LANCL2: variants seen among roughly 807,000 people sequenced by gnomAD.
LANCL2 encodes LanC like glutathione S-transferase 2, also known as lanC-like protein 2.
A neutral mutation model predicts 56.9 loss-of-function variants in LANCL2; 33 were observed. That is an observed-to-expected ratio of 0.58 (90% confidence interval 0.44 to 0.78). The LOEUF (loss-of-function observed/expected upper bound fraction) is 0.78. Ranked by LOEUF, LANCL2 falls within the 30% of genes least tolerant of loss-of-function variation. The probability of loss-of-function intolerance (pLI) is 0.00; values close to 1 mark genes in which losing one functional copy is unlikely to be tolerated. For synonymous variants in LANCL2, 233 were observed against 228.2 expected (o/e 1.02, Z -0.19); for missense variants, 562 against 580.2 (o/e 0.97, Z 0.32).
At position 55,365,975 on chromosome 7, in the gene LANCL2, A is replaced by G. The variant is rs764767228; in HGVS notation, c.-51A>G. The G allele has an allele frequency of 1.5e-6, 2 of 1,333,442 alleles. No individual in the cohort carries two copies. The highest frequency in any genetic ancestry group is 2.0e-6 in the Non-Finnish European group (2 of 1,020,590). 82.6% of individuals were successfully genotyped at this position (1,333,442 alleles called of 1,614,324 possible). ...AGGAGGCGGCGGCGGGGCGAGCTGC[A>G]GCGCCGGGACAGGAGGTTTGTCCCC... is the stretch of plus-strand genomic sequence containing the variant. On this transcript the variant is annotated 5_prime_UTR_variant, in exon 1 of 9. Transcript: ENST00000254770.
intron 4 of LANCL2, among the ~76,000 whole-genome samples, chr7:55,400,801 T>A (rs1461076305): frequency 2.6e-5 from 4 of 152,202 alleles, no homozygotes; most frequent in Admixed American, 1.3e-4. Context: ...AGCCAGTTCC[T>A]CCAGCCTTTC....
chr7:55,421,962 G>A (rs902161044), intron 6 of LANCL2, among the ~76,000 whole-genome samples: 1 of 151,844 alleles, frequency 6.6e-6, no homozygotes, highest in Non-Finnish European at 1.5e-5. Context: ...GAACTCCTGG[G>A]CTCAAGTGAT....
At chr7:55,371,241 T>G (rs1167678403) in intron 1 of LANCL2, among the ~76,000 whole-genome samples, 1 of 152,190 alleles carries the variant, frequency 6.6e-6, no homozygotes, top group Non-Finnish European at 1.5e-5. Flanking sequence ...TTTTGGGTTT[T>G]GTTTTGTTTT....
chr7:55,404,622 T>C (rs1018743807), intron 5 of LANCL2, among the ~76,000 whole-genome samples: 1 of 149,436 alleles, frequency 6.7e-6, no homozygotes, highest in Admixed American at 6.6e-5. Context: ...TTTTTTTTTC[T>C]TTTTTTTTTG....
At chr7:55,421,275 T>G (rs1272361569) in intron 6 of LANCL2, among the ~76,000 whole-genome samples, 1 of 151,766 alleles carries the variant, frequency 6.6e-6, no homozygotes, top group Non-Finnish European at 1.5e-5. Context: ...CCTGCCTTTT[T>G]TTTTTTTAGG....
chr7:55,401,543 CAATTTTCTTTTTTTTTTTTTTTTG>C, intron 5 of LANCL2, among the ~76,000 whole-genome samples: 1 of 33,288 alleles, frequency 3.0e-5, no homozygotes, highest in South Asian at 9.9e-4. Context: ...TTTTTTTTTC[CAATTTTCTTTTTTTTTTTTTTTTG>C]ATCATTCTTG....
intron 5 of LANCL2, chr7:55,411,337 G>C (rs953536164): frequency 2.0e-5 from 3 of 152,228 alleles, no homozygotes; most frequent in African/African-American, 7.2e-5. Context: ...AATTCTAGTA[G>C]GTAACATTTA....
At chr7:55,421,339 C>CTTTT (rs11416515) in intron 6 of LANCL2, among the ~76,000 whole-genome samples, 7 of 104,648 alleles carry the variant, frequency 6.7e-5, no homozygotes, top group Admixed American at 1.2e-4. Flanking sequence ...TCTGTTGACT[C>CTTTT]TTTTTTTTTT....
chr7:55,383,010 A>T (rs957517950), intron 1 of LANCL2, among the ~76,000 whole-genome samples: 5 of 152,186 alleles, frequency 3.3e-5, no homozygotes, highest in Admixed American at 3.3e-4. Flanking sequence ...TAATCCCAGC[A>T]CTTTGGGAGG....
At chr7:55,429,647 T>A (rs1790706336) in intron 8 of LANCL2, among the ~76,000 whole-genome samples, 1 of 152,242 alleles carries the variant, frequency 6.6e-6, no homozygotes, top group African/African-American at 2.4e-5. Context: ...AAAAAGTACT[T>A]ACTAGAATAA....
At chr7:55,402,368 G>A (rs1790344478) in intron 5 of LANCL2, among the ~76,000 whole-genome samples, 1 of 90,890 alleles carries the variant, frequency 1.1e-5, no homozygotes, top group African/African-American at 4.5e-5. Flanking sequence ...TCCCAGTAGG[G>A]GCGGCCAGGC....
chr7:55,420,532 T>A (rs1056308940), intron 6 of LANCL2, among the ~76,000 whole-genome samples: 1 of 152,252 alleles, frequency 6.6e-6, no homozygotes, highest in East Asian at 1.9e-4. Context: ...TCAGGCATAG[T>A]GTGCTAGAAA....
rs148273248 is a variant in LANCL2, at chr7:55,366,036, C to T, written c.11C>T (p.Thr4Ile). MGE[T>I]MSKRLKLHLG... ...CGTACCGCGGCGGAGATGGGCGAGA[C>T]CATGTCAAAGAGGCTGAAGCTCCAC... The change falls in exon 1 of 9, where the codon ACC (threonine) becomes ATC (isoleucine). Residue 4 changes from threonine (T) to isoleucine (I), a missense_variant. Around this residue, in one of 2 missense-constraint regions of LANCL2, gnomAD observed 184 missense variants for 111.8 expected, o/e 1.65. Coordinates refer to ENST00000254770, the MANE Select transcript of LANCL2 (RefSeq NM_018697.4). 2.1e-5 allele frequency: 31 copies of T among 1,488,256 alleles called. No individual in the cohort carries two copies. In the African/African-American group the frequency reaches 3.6e-4, roughly 17 times the overall value. 92.2% of individuals were successfully genotyped at this position (1,488,256 alleles called of 1,614,324 possible).
chr7:55,409,718 GCAAA>G (rs1303917996), intron 5 of LANCL2, among the ~76,000 whole-genome samples: 7 of 152,194 alleles, frequency 4.6e-5, no homozygotes, highest in Non-Finnish European at 8.8e-5. Flanking sequence ...TCCAGGGAAA[GCAAA>G]GTCATAGTAG....
chr7:55,423,405 G>A (rs1790629934), intron 6 of LANCL2, among the ~76,000 whole-genome samples: 1 of 152,208 alleles, frequency 6.6e-6, no homozygotes, highest in Non-Finnish European at 1.5e-5. Context: ...GGCAGCTCCA[G>A]CTCACTTTAG....
intron 1 of LANCL2, among the ~76,000 whole-genome samples, chr7:55,372,690 C>T (rs1310793406): frequency 6.6e-6 from 1 of 151,882 alleles, no homozygotes; most frequent in African/African-American, 2.4e-5. Context: ...ATAGACATAG[C>T]TTATTTGTAT....
At chr7:55,367,807 C>T (rs1162393870) in intron 1 of LANCL2, among the ~76,000 whole-genome samples, 2 of 152,200 alleles carry the variant, frequency 1.3e-5, no homozygotes, top group Non-Finnish European at 2.9e-5. Context: ...TATAAATTGC[C>T]TAGCAAACTG....
At chr7:55,375,548 C>T in intron 1 of LANCL2, among the ~76,000 whole-genome samples, 1 of 152,208 alleles carries the variant, frequency 6.6e-6, no homozygotes, top group Admixed American at 6.5e-5. Context: ...TTGGCCATTC[C>T]AAAGCCACTT....
At chr7:55,428,288 G>A (rs937895275) in intron 7 of LANCL2, 87 bp from the exon 8 acceptor site, 1 of 1,194,504 alleles carries the variant, frequency 8.4e-7, no homozygotes, top group Non-Finnish European at 1.2e-6. Context: ...CCACTTCCCT[G>A]ATGCCTGTGA....
Sources: allele counts gnomAD v4.1 joint callset (sites outside exome capture counted in the v4.1 genomes callset), GRCh38; gene constraint gnomAD v4.1.1; regional missense constraint gnomAD v4.1.1; transcripts MANE v1.5; gene names NCBI Gene and HGNC (gene_info 2026-07-23, HGNC 2026-07-21).